CLCC1: variants seen among roughly 807,000 people sequenced by gnomAD.
CLCC1 encodes the protein chloride channel CLIC-like protein 1.
In CLCC1, 39 loss-of-function variants were observed where a neutral mutation model predicts 63.3. That is an observed-to-expected ratio of 0.62 (90% CI 0.48 to 0.81). The LOEUF (loss-of-function observed/expected upper bound fraction) is 0.81, where lower values mean the gene tolerates loss of function less well. Ranked by LOEUF, CLCC1 falls within the 30% of genes least tolerant of loss-of-function variation. CLCC1 has a pLI of 0.00. For synonymous variants in CLCC1, 217 were observed against 239.8 expected, an observed-to-expected ratio of 0.90 and a Z score of 0.88; for missense variants, 549 against 669.4, an observed-to-expected ratio of 0.82 and a Z score of 1.98.
chr1:108,951,257 C>T (rs1046428284), intron 2 of CLCC1, among the ~76,000 whole-genome samples: 1 of 152,176 alleles, frequency 6.6e-6, no homozygotes, highest in Non-Finnish European at 1.5e-5. Flanking sequence ...TAGCGCAAGC[C>T]AGTGATCCCA....
rs747841606 is a variant in CLCC1 at position 108,943,984 on chromosome 1, T to C, written c.413A>G (p.Gln138Arg). The C allele has an allele frequency of 2.5e-6, 4 of 1,613,496 alleles. No homozygotes were observed. Among genetic ancestry groups the C allele is most frequent in the East Asian group, 4.5e-5 (2 of 44,880 alleles). ...CCAGTCTTCTCCATTGAGAAACTTCTGTATTTCTAACAAAGTTTCTCTTTT... is the reference window on the plus strand; with the variant it reads ...CCAGTCTTCTCCATTGAGAAACTTCCGTATTTCTAACAAAGTTTCTCTTTT... ...ILKRETLLEI[Q>R]KFLNGEDWKP... The change falls in exon 6 of 13, where the codon CAG becomes CGG. Residue 138 changes from glutamine (Q) to arginine (R), a missense_variant. Gln to Arg is a conservative substitution (Grantham distance 43, BLOSUM62 1). Transcript: ENST00000369969.
chr1:108,937,472 G>A lies in CLCC1; in HGVS notation c.1042-54C>T, dbSNP rs1303777983. The A allele has an allele frequency of 2.4e-5, 33 of 1,380,880 alleles. No homozygotes were observed. The East Asian group carries it at 6.0e-4, about 25-fold the overall frequency. 85.5% of individuals were successfully genotyped at this position (1,380,880 alleles called of 1,614,324 possible). ...AGGACTCAATGGCTAACTTACAAAA[G>A]TTATGAGGCATTTTATTCAGAGTGC... On this transcript the variant is annotated intron_variant, in intron 10 of 12. Transcript: ENST00000369969.
chr1:108,946,412 G>A (rs1240174358), intron 5 of CLCC1, among the ~76,000 whole-genome samples: 10 of 152,092 alleles, frequency 6.6e-5, no homozygotes, highest in Admixed American at 5.2e-4. Flanking sequence ...CACCCTGTAC[G>A]TAGCTGTAAG....
Position 108,937,111 on chromosome 1 carries a change from G to A in CLCC1, c.1349C>T (p.Ala450Val). ...CACCGTGGGATGCTCTCGTGCCTCTGCGTCTGGTACATCAAATGCCCGGAG... is the reference window on the plus strand; with the variant it reads ...CACCGTGGGATGCTCTCGTGCCTCTACGTCTGGTACATCAAATGCCCGGAG... ...EVLRAFDVPD[A>V]EAREHPTVVP... The change falls in exon 11 of 13, where the codon GCA becomes GTA. Residue 450 changes from alanine (A) to valine (V), a missense_variant. Transcript: ENST00000369969. 6.6e-7 allele frequency: 1 copy of A among 1,524,442 alleles called. No homozygotes were observed. The allele number at this position is 1,524,442 out of a possible 1,614,324, so 94.4% of individuals were successfully genotyped here. A position where few individuals can be genotyped will look rare whatever the true frequency, so the allele number is the denominator to read the frequency against.
chr1:108,948,689 C>T (rs839546), intron 4 of CLCC1, among the ~76,000 whole-genome samples: 76,685 of 151,280 alleles, frequency 0.51, 19,888 homozygotes, highest in African/African-American at 0.62. Flanking sequence ...ATTTTGCCAA[C>T]CATGTTTCTT....
At chr1:108,938,987 G>GATT (rs1360930929) in intron 10 of CLCC1, among the ~76,000 whole-genome samples, 2 of 151,824 alleles carry the variant, frequency 1.3e-5, no homozygotes, top group African/African-American at 4.8e-5. Context: ...AAAAAAATCT[G>GATT]TATCACTTAA....
At position 108,943,598 on chromosome 1, in the gene CLCC1, G is replaced by A; in HGVS notation, c.579C>T (p.Leu193=). The A allele has an allele frequency of 1.2e-6, 2 of 1,600,702 alleles. No homozygotes were observed. The highest frequency in any genetic ancestry group is 2.2e-5 in the East Asian group (1 of 44,528). The part of the protein sequence containing the change: ...YNVLMVLLCL[L]CIVVLVATEL... ...CAGTAGCCACTAAAACCACGATGCAGAGCAGACAAAGAAGTACCTTAAAAC... is the reference window on the plus strand; with the variant it reads ...CAGTAGCCACTAAAACCACGATGCAAAGCAGACAAAGAAGTACCTTAAAAC... Residue 193 remains leucine (L), a synonymous_variant, in exon 7 of 13, where the codon CTC becomes CTT. Coordinates refer to ENST00000369969, the MANE Select transcript of CLCC1 (RefSeq NM_001377458.1).
rs1379483513 is a variant in CLCC1, at chr1:108,929,808, G to A, written c.*2739C>T. The A allele has an allele frequency of 6.2e-7, 1 of 1,614,026 alleles. No individual in the cohort carries two copies. The highest frequency in any genetic ancestry group is 1.3e-5 in the African/African-American group (1 of 74,926). ...GCCTTATTTTACGGTCCCAGGGAAA[G>A]AGAATGGATGAACAGAGAGTTCTTT... On this transcript the variant is annotated 3_prime_UTR_variant, in exon 13 of 13. Coordinates refer to ENST00000369969, the MANE Select transcript of CLCC1 (RefSeq NM_001377458.1).
chr1:108,935,974 C>T (rs1471737677), intron 11 of CLCC1, among the ~76,000 whole-genome samples: 2 of 151,630 alleles, frequency 1.3e-5, no homozygotes, highest in Non-Finnish European at 2.9e-5. Context: ...GGCTTCCAGG[C>T]CATTGTAATA....
intron 2 of CLCC1, among the ~76,000 whole-genome samples, chr1:108,959,308 C>T (rs1335315437): frequency 6.6e-6 from 1 of 151,438 alleles, no homozygotes; most frequent in Non-Finnish European, 1.5e-5. Context: ...GAGCTGAGAG[C>T]ACACCACCGT....
intron 2 of CLCC1, among the ~76,000 whole-genome samples, chr1:108,952,535 A>T (rs1655342640): frequency 1.0e-5 from 1 of 99,138 alleles, no homozygotes; most frequent in Admixed American, 1.2e-4. Context: ...GCAGTGCCTC[A>T]CGCCTGTAAT....
intron 2 of CLCC1, among the ~76,000 whole-genome samples, chr1:108,954,159 C>A (rs923085796): frequency 4.0e-5 from 6 of 150,942 alleles, no homozygotes; most frequent in African/African-American, 1.5e-4. Flanking sequence ...ATTGCAATTG[C>A]GAGGATGGAT....
In CLCC1 at chr1:108,934,881, G is replaced by A; in HGVS notation, c.1445C>T (p.Thr482Ile). The A allele has an allele frequency of 6.2e-7, 1 of 1,614,180 alleles. No homozygotes were observed. The highest frequency in any genetic ancestry group is 8.5e-7 in the Non-Finnish European group (1 of 1,180,034). Residue 482 changes from threonine to isoleucine, a missense_variant, in exon 12 of 13, where the codon ACA becomes ATA. Physicochemically the swap from Thr to Ile is moderately conservative, Grantham distance 89. Coordinates refer to ENST00000369969, the MANE Select transcript of CLCC1 (RefSeq NM_001377458.1). Reference sequence around the variant, plus strand: ...GCTTTCAGTACTGCTTTCTTTCGGTGTGCCTTCCCCCAGGATTCCACCTGT... The same window carrying A: ...GCTTTCAGTACTGCTTTCTTTCGGTATGCCTTCCCCCAGGATTCCACCTGT... ...KETGGILGEG[T>I]PKESSTESSQ...
rs1225175872 is a variant in CLCC1 at position 108,934,579 on chromosome 1, C to A, written c.*45+46G>T. ...TTGAAGTTGGCACCTTTGTAGTAAT[C>A]AGAATTCTTGCAGAGAAGAGAAAGA... On this transcript the variant is annotated intron_variant, in intron 12 of 12. Coordinates refer to ENST00000369969, the MANE Select transcript of CLCC1 (RefSeq NM_001377458.1). 84 of 1,452,142 alleles carry A rather than the reference C, an allele frequency of 5.8e-5. No individual in the cohort carries two copies. In the East Asian group the frequency reaches 1.9e-3, roughly 33 times the overall value. The allele number at this position is 1,452,142 out of a possible 1,614,324, so 90.0% of individuals were successfully genotyped here.
chr1:108,936,374 C>T (rs1375504977), intron 11 of CLCC1, among the ~76,000 whole-genome samples: 3 of 152,152 alleles, frequency 2.0e-5, no homozygotes, highest in East Asian at 1.9e-4. Context: ...GGATCACAGG[C>T]GTGAGCCGCC....
At chr1:108,935,476 A>C (rs963374444) in intron 11 of CLCC1, among the ~76,000 whole-genome samples, 9 of 152,122 alleles carry the variant, frequency 5.9e-5, no homozygotes, top group Non-Finnish European at 8.8e-5. Context: ...TGGTCTGAAA[A>C]AGTGATATGG....
chr1:108,933,956 A>G (rs367772889), intron 12 of CLCC1: 10 of 152,368 alleles, frequency 6.6e-5, no homozygotes, highest in African/African-American at 2.4e-4. Flanking sequence ...TAGGTTTTAT[A>G]AAAAGCCCAT....
In CLCC1 at chr1:108,929,687, T is replaced by G; in HGVS notation, c.*2860A>C. ...CCCACAGTATGTCTTTTAATCTCTC[T>G]CATAAACTTCTAGGGATCCAGATTA... On this transcript the variant is annotated 3_prime_UTR_variant, in exon 13 of 13. Transcript: ENST00000369969. 1 of 1,612,114 alleles carries G rather than the reference T, an allele frequency of 6.2e-7. No individual in the cohort carries two copies.
In CLCC1 at chr1:108,930,208, G is replaced by C. The variant is rs1479576038; in HGVS notation, c.*2339C>G. ...GCAGCTTGTGAGATTACTTTACCTA[G>C]TGTTTATAAAGTAGGAAGTTAAGTG... is the stretch of plus-strand genomic sequence containing the variant. On this transcript the variant is annotated 3_prime_UTR_variant, in exon 13 of 13. Coordinates refer to ENST00000369969, the MANE Select transcript of CLCC1 (RefSeq NM_001377458.1). 2.7e-6 allele frequency: 1 copy of C among 374,002 alleles called. No individual in the cohort carries two copies. Among genetic ancestry groups the C allele is most frequent in the African/African-American group, 2.0e-5 (1 of 48,808 alleles). 23.2% of individuals were successfully genotyped at this position (374,002 alleles called of 1,614,324 possible). A position where few individuals can be genotyped will look rare whatever the true frequency, so the allele number is the denominator to read the frequency against.
Sources: allele counts gnomAD v4.1 joint callset (sites outside exome capture counted in the v4.1 genomes callset), GRCh38; gene constraint gnomAD v4.1.1; transcripts MANE v1.5; gene names NCBI Gene and HGNC (gene_info 2026-07-23, HGNC 2026-07-21).